FGF12: variants seen among roughly 807,000 people sequenced by gnomAD.
The protein encoded by FGF12 is fibroblast growth factor 12.
In FGF12, 14 loss-of-function variants were observed where a neutral mutation model predicts 23.6. The ratio of observed to expected loss-of-function variants is 0.59; its 90% confidence interval spans 0.39 to 0.93. FGF12 has a LOEUF of 0.93. Among genes scored for constraint, FGF12 ranks in the 40% least tolerant of loss-of-function variants. The pLI is 0.00. For synonymous variants in FGF12, 62 were observed against 77.3 expected, an observed-to-expected ratio of 0.80 and a Z score of 1.04; for missense variants, 175 against 217.8, an observed-to-expected ratio of 0.80 and a Z score of 1.24.
At chr3:192,635,876 G>C in intron 2 of FGF12, among the ~76,000 whole-genome samples, 1 of 152,116 alleles carries the variant, frequency 6.6e-6, no homozygotes, top group Non-Finnish European at 1.5e-5. Context: ...CTCATGATCA[G>C]ACCTTAAAGA....
intron 2 of FGF12, among the ~76,000 whole-genome samples, chr3:192,485,337 A>G (rs1723603993): frequency 6.6e-6 from 1 of 152,196 alleles, no homozygotes; most frequent in African/African-American, 2.4e-5. Flanking sequence ...TGAAGAAATA[A>G]TTGTTTGAGG....
chr3:192,678,313 T>C (rs1327966910), intron 2 of FGF12, among the ~76,000 whole-genome samples: 1 of 152,196 alleles, frequency 6.6e-6, no homozygotes, highest in Admixed American at 6.5e-5. Context: ...ATACAGAATG[T>C]GAAGCCAAGC....
chr3:192,461,655 T>C (rs1388999172), intron 2 of FGF12, among the ~76,000 whole-genome samples: 3 of 152,208 alleles, frequency 2.0e-5, no homozygotes, highest in Admixed American at 1.3e-4. Flanking sequence ...AACAGAAGTA[T>C]GTGTGTAAGC....
chr3:192,463,274 G>T (rs986013674), intron 2 of FGF12, among the ~76,000 whole-genome samples: 19 of 152,110 alleles, frequency 1.2e-4, no homozygotes, highest in African/African-American at 3.6e-4. Flanking sequence ...CAAAAAATTA[G>T]CCAGGTGTGG....
chr3:192,300,370 C>G (rs892077405), intron 4 of FGF12, among the ~76,000 whole-genome samples: 2 of 152,144 alleles, frequency 1.3e-5, no homozygotes, highest in Non-Finnish European at 2.9e-5. Context: ...TTATATAAAA[C>G]TTAACAATGG....
Position 192,664,594 on chromosome 3 carries a change from C to CA in FGF12, c.13+62586dup, listed in dbSNP as rs1482447213. Among the ~76,000 whole-genome samples, 25 of 97,068 alleles carry CA rather than the reference C, an allele frequency of 2.6e-4. 1 individual carries two copies. The highest frequency in any genetic ancestry group is 9.1e-4 in the East Asian group (3 of 3,302). 63.7% of individuals were successfully genotyped at this position (97,068 alleles called of 152,430 possible). ...TGAAACCCTGTCTCTACTAAAAATA[C>CA]AAAAAAAATACAAAAAAAAAAAAAA... is the stretch of plus-strand genomic sequence containing the variant. On this transcript the variant is annotated intron_variant, in intron 2 of 5. Transcript: ENST00000445105.
chr3:192,385,716 G>A (rs578250635), intron 2 of FGF12, among the ~76,000 whole-genome samples: 2 of 152,286 alleles, frequency 1.3e-5, no homozygotes, highest in South Asian at 4.1e-4. Flanking sequence ...CTTCAGGCCA[G>A]GGGCGAATAC....
chr3:192,290,609 G>A (rs1426617836), intron 4 of FGF12, among the ~76,000 whole-genome samples: 1 of 152,126 alleles, frequency 6.6e-6, no homozygotes, highest in Admixed American at 6.6e-5. Context: ...CACTAACAGA[G>A]TATTCATTTG....
intron 4 of FGF12, among the ~76,000 whole-genome samples, chr3:192,277,317 G>A (rs1290022466): frequency 6.6e-6 from 1 of 151,456 alleles, no homozygotes; most frequent in Non-Finnish European, 1.5e-5. Context: ...GTTGGTAAGA[G>A]GAGCCAAATT....
intron 2 of FGF12, among the ~76,000 whole-genome samples, chr3:192,570,328 T>C (rs929678942): frequency 2.6e-5 from 4 of 152,208 alleles, no homozygotes; most frequent in African/African-American, 9.7e-5. Flanking sequence ...TAGGCATATG[T>C]ATGTTAAACT....
At chr3:192,582,965 C>T (rs922908478) in intron 2 of FGF12, among the ~76,000 whole-genome samples, 1 of 152,088 alleles carries the variant, frequency 6.6e-6, no homozygotes, top group Non-Finnish European at 1.5e-5. Context: ...TTCCTCCTTC[C>T]CTTCCCCCTC....
At position 192,450,676 on chromosome 3, in the gene FGF12, A is replaced by G. The variant is rs9845061; in HGVS notation, c.14-90138T>C. Among the ~76,000 whole-genome samples the G allele has an allele frequency of 8.8e-3, 1,346 of 152,332 alleles. 18 individuals carry two copies. Among genetic ancestry groups the G allele is most frequent in the African/African-American group, 0.03 (1,235 of 41,580 alleles). On this transcript the variant is annotated intron_variant, in intron 2 of 5. Coordinates refer to ENST00000445105, the MANE Select transcript of FGF12 (RefSeq NM_004113.6). ...GAAAGAGAAGTTGGCACCTAATATT[A>G]GAATCTGAATAAAAATGTAACAGTT...
chr3:192,504,675 G>C (rs191694135), intron 2 of FGF12, among the ~76,000 whole-genome samples: 3 of 152,118 alleles, frequency 2.0e-5, no homozygotes, highest in African/African-American at 7.2e-5. Flanking sequence ...TCAGGACCTC[G>C]ACCTGCCTCT....
At chr3:192,648,462 C>T (rs1716093203) in intron 2 of FGF12, among the ~76,000 whole-genome samples, 1 of 147,030 alleles carries the variant, frequency 6.8e-6, no homozygotes, top group African/African-American at 2.5e-5. Context: ...CATGGACTTA[C>T]AGGAACAAAG....
At chr3:192,598,480 C>T (rs1285496800) in intron 2 of FGF12, among the ~76,000 whole-genome samples, 1 of 152,070 alleles carries the variant, frequency 6.6e-6, no homozygotes, top group Non-Finnish European at 1.5e-5. Context: ...GCAAGGTATT[C>T]TAAAAGCTAA....
intron 4 of FGF12, among the ~76,000 whole-genome samples, chr3:192,279,505 G>A (rs1160726641): frequency 6.6e-6 from 1 of 152,024 alleles, no homozygotes; most frequent in African/African-American, 2.4e-5. Context: ...AAGAAACAGA[G>A]GCATAGAGAT....
At chr3:192,309,677 T>C (rs557781272) in intron 4 of FGF12, among the ~76,000 whole-genome samples, 77 of 152,228 alleles carry the variant, frequency 5.1e-4, no homozygotes, top group Non-Finnish European at 9.6e-4. Context: ...AACAGGACAT[T>C]GATAAATAAC....
chr3:192,251,357 T>C (rs1711999371), intron 4 of FGF12, among the ~76,000 whole-genome samples: 1 of 152,194 alleles, frequency 6.6e-6, no homozygotes, highest in South Asian at 2.1e-4. Context: ...ATAACTCTAT[T>C]GTACTATTAC....
chr3:192,715,644 C>T (rs572678415), intron 2 of FGF12, among the ~76,000 whole-genome samples: 1 of 152,316 alleles, frequency 6.6e-6, no homozygotes, highest in African/African-American at 2.4e-5. Flanking sequence ...TTCCTAGCCT[C>T]TAATGCCTAG....
Sources: gnomAD v4.1 joint callset for allele counts (sites outside exome capture counted in the v4.1 genomes callset) on GRCh38, gnomAD v4.1.1 for gene constraint, MANE v1.5 for transcripts, NCBI Gene and HGNC (gene_info 2026-07-23, HGNC 2026-07-21) for gene names.